CCNJL: variants seen among roughly 807,000 people sequenced by gnomAD.
The protein encoded by CCNJL is cyclin J like, also known as cyclin-J-like protein.
CCNJL carries 33 observed loss-of-function variants against 33.4 expected under a neutral mutation model. The ratio of observed to expected loss-of-function variants is 0.99; its 90% confidence interval spans 0.75 to 1.32. The LOEUF is 1.32. Ranked by LOEUF, CCNJL falls within the 40% of genes most tolerant of loss-of-function variation. The pLI is 0.00. For synonymous variants in CCNJL, 227 were observed against 220.9 expected, an observed-to-expected ratio of 1.03 and a Z score of -0.24; for missense variants, 512 against 499.7, an observed-to-expected ratio of 1.02 and a Z score of -0.23.
At chr5:160,312,057 C>A in intron 1 of CCNJL, 85 bp from the exon 2 acceptor site, 1 of 871,742 alleles carries the variant, frequency 1.1e-6, no homozygotes, top group Admixed American at 2.2e-5. Context: ...GCCCCTGGCC[C>A]CGGGCCCCGG....
At chr5:160,260,508 C>T (rs573456971) in intron 3 of CCNJL, among the ~76,000 whole-genome samples, 3 of 152,118 alleles carry the variant, frequency 2.0e-5, no homozygotes, top group South Asian at 2.1e-4. Flanking sequence ...ATCCTACCCA[C>T]GGGTTAAAGA....
chr5:160,292,179 T>C (rs1762609218), intron 2 of CCNJL, among the ~76,000 whole-genome samples: 2 of 152,232 alleles, frequency 1.3e-5, no homozygotes, highest in Non-Finnish European at 2.9e-5. Context: ...CAGCCTTCTC[T>C]TTCCTCCGAA....
chr5:160,260,728 C>T (rs1161596699), intron 3 of CCNJL, among the ~76,000 whole-genome samples: 2 of 152,170 alleles, frequency 1.3e-5, no homozygotes, highest in Non-Finnish European at 2.9e-5. Context: ...GCCGTGGACC[C>T]TGTCCTTGGC....
At chr5:160,288,542 C>G (rs555078425) in intron 2 of CCNJL, among the ~76,000 whole-genome samples, 1 of 152,058 alleles carries the variant, frequency 6.6e-6, no homozygotes, top group South Asian at 2.1e-4. Context: ...TTTCTTTTTA[C>G]TAATTATAAA....
intron 1 of CCNJL, among the ~76,000 whole-genome samples, chr5:160,329,200 A>G (rs1763575841): frequency 6.6e-6 from 1 of 152,200 alleles, no homozygotes; most frequent in African/African-American, 2.4e-5. Context: ...GCCCCAGCAG[A>G]CCAGATCAAA....
chr5:160,322,621 C>G (rs1442624079), intron 1 of CCNJL, among the ~76,000 whole-genome samples: 1 of 152,186 alleles, frequency 6.6e-6, no homozygotes, highest in African/African-American at 2.4e-5. Context: ...TTAAAAATGT[C>G]CCTCGGCTGG....
intron 2 of CCNJL, among the ~76,000 whole-genome samples, chr5:160,310,473 T>C (rs1049216562): frequency 1.3e-5 from 2 of 152,158 alleles, no homozygotes; most frequent in African/African-American, 4.8e-5. Context: ...GTAAAAACAC[T>C]GAGTAGCTGG....
upstream of CCNJL, chr5:160,315,593 T>G (rs1763372661): frequency 3.7e-5 from 3 of 80,650 alleles, no homozygotes; most frequent in East Asian, 3.3e-4. Flanking sequence ...ACGATCCCAG[T>G]TAAACTACAT....
chr5:160,292,845 C>T (rs1242608140), intron 2 of CCNJL, among the ~76,000 whole-genome samples: 1 of 152,158 alleles, frequency 6.6e-6, no homozygotes, highest in Admixed American at 6.5e-5. Flanking sequence ...ATGCACCTAG[C>T]AGTCATTTCA....
intron 2 of CCNJL, among the ~76,000 whole-genome samples, chr5:160,288,650 C>T (rs974167142): frequency 1.3e-5 from 2 of 151,868 alleles, no homozygotes; most frequent in Admixed American, 6.6e-5. Flanking sequence ...GCGGGCGGAT[C>T]ACGAGGTCAG....
chr5:160,280,547 G>T lies in CCNJL; in HGVS notation c.258C>A (p.Ala86=), dbSNP rs372269963. Residue 86 remains alanine, a synonymous_variant, in exon 3 of 6, where the codon GCC becomes GCA. Coordinates refer to ENST00000257536, the MANE Select transcript of CCNJL (RefSeq NM_001308173.3). ...VTTSKQLYTV[A]VSCLLLASKF... The stretch of plus-strand genomic sequence containing the variant: ...TACTTGCAAGCAGGAGGCAGGAGAC[G>T]GCCACGGTGTAGAGCTGCTTGGAGG... The T allele has an allele frequency of 6.2e-7, 1 of 1,612,976 alleles. No individual in the cohort carries two copies. The highest frequency in any genetic ancestry group is 8.5e-7 in the Non-Finnish European group (1 of 1,179,986).
intron 1 of CCNJL, among the ~76,000 whole-genome samples, chr5:160,320,977 CCTCT>C (rs1229883934): frequency 3.3e-4 from 38 of 116,692 alleles, no homozygotes; most frequent in East Asian, 2.4e-3. Flanking sequence ...TCTCTCCCTC[CCTCT>C]CTCTCTTTCT....
intron 3 of CCNJL, among the ~76,000 whole-genome samples, chr5:160,263,616 G>A (rs1761441774): frequency 6.6e-6 from 1 of 152,130 alleles, no homozygotes; most frequent in African/African-American, 2.4e-5. Flanking sequence ...TCACCCACTG[G>A]ACCATAGCAG....
rs189749174 is a variant in CCNJL at position 160,306,437 on chromosome 5, G to A, written c.66+5421C>T. On this transcript the variant is annotated intron_variant, in intron 2 of 5. Transcript: ENST00000257536. ...ACCCCTAAGGTATCACATGACTCCCGTCTTGGGAGAAGGTAAACACCCAGT... is the reference window on the plus strand; with the variant it reads ...ACCCCTAAGGTATCACATGACTCCCATCTTGGGAGAAGGTAAACACCCAGT... Among the ~76,000 whole-genome samples the A allele has an allele frequency of 3.5e-3, 538 of 152,252 alleles. 5 individuals carry two copies. The highest frequency in any genetic ancestry group is 5.9e-3 in the Non-Finnish European group (404 of 68,010).
intron 1 of CCNJL, among the ~76,000 whole-genome samples, chr5:160,320,621 G>T (rs1027267984): frequency 2.6e-5 from 4 of 152,210 alleles, no homozygotes; most frequent in African/African-American, 4.8e-5. Context: ...TGCATCCAGG[G>T]TGGGGAGCCC....
chr5:160,288,426 G>A (rs1264335040), intron 2 of CCNJL, among the ~76,000 whole-genome samples: 3 of 152,094 alleles, frequency 2.0e-5, no homozygotes, highest in African/African-American at 7.2e-5. Flanking sequence ...AACAAAATCT[G>A]CCCTGTCATA....
intron 1 of CCNJL, among the ~76,000 whole-genome samples, chr5:160,322,495 A>T (rs1337068549): frequency 6.6e-6 from 1 of 152,248 alleles, no homozygotes; most frequent in African/African-American, 2.4e-5. Flanking sequence ...GTGTTGAATA[A>T]GTGCGAGCCA....
At chr5:160,305,380 A>G (rs1363149892) in intron 2 of CCNJL, among the ~76,000 whole-genome samples, 1 of 152,202 alleles carries the variant, frequency 6.6e-6, no homozygotes, top group Non-Finnish European at 1.5e-5. Flanking sequence ...AGTTAGGGAC[A>G]GGCAATGGCA....
chr5:160,294,805 C>G (rs369080653), intron 2 of CCNJL: 3 of 152,354 alleles, frequency 2.0e-5, no homozygotes, highest in African/African-American at 7.2e-5. Flanking sequence ...CCGATGTCCC[C>G]CTCCATGCTG....
Sources: gnomAD v4.1 joint callset for allele counts (sites outside exome capture counted in the v4.1 genomes callset) on GRCh38, gnomAD v4.1.1 for gene constraint, MANE v1.5 for transcripts, NCBI Gene and HGNC (gene_info 2026-07-23, HGNC 2026-07-21) for gene names.